PTGFRN: variants seen among roughly 807,000 people sequenced by gnomAD.
PTGFRN encodes the protein prostaglandin F2 receptor negative regulator.
Under a neutral mutation model 83.2 loss-of-function variants are expected in PTGFRN, and 35 were observed. The ratio of observed to expected loss-of-function variants is 0.42; its 90% CI spans 0.32 to 0.56. The LOEUF (loss-of-function observed/expected upper bound fraction) is 0.56. PTGFRN is among the 20% of genes least tolerant of loss of function. The pLI is 0.11. For synonymous variants in PTGFRN, 519 were observed against 498.6 expected (o/e 1.04, Z -0.55); for missense variants, 1,051 against 1,179.5 (o/e 0.89, Z 1.60).
In PTGFRN at chr1:116,944,810, C is replaced by T. The variant is rs1195525965; in HGVS notation, c.550C>T (p.Leu184=). The change falls in exon 3 of 9, where the codon CTG becomes TTG. Residue 184 remains leucine, a synonymous_variant. Coordinates refer to ENST00000393203, the MANE Select transcript of PTGFRN (RefSeq NM_020440.4). The part of the protein sequence containing the change: ...ASPLHTHLAL[L]WEVHRGPARR... ...GCCGCTGCACACGCACCTGGCGCTGCTGTGGGAGGTGCACCGCGGCCCGGC... is the reference window on the plus strand; with the variant it reads ...GCCGCTGCACACGCACCTGGCGCTGTTGTGGGAGGTGCACCGCGGCCCGGC... 3.2e-6 allele frequency: 5 copies of T among 1,572,304 alleles called. No homozygotes were observed.
chr1:116,961,729 G>A lies in PTGFRN; in HGVS notation c.1639+61G>A, dbSNP rs1163649617. ...GTCTTTGCTTAAGTCGTGCCGCTGT[G>A]TGTTGATGCACAGTCACCCTCTGCA... On this transcript the variant is annotated intron_variant, in intron 5 of 8. Coordinates refer to ENST00000393203, the MANE Select transcript of PTGFRN (RefSeq NM_020440.4). The surrounding 1 kb of genome is among the most constrained non-coding windows in gnomAD (Gnocchi z 5.4). 22 of 1,467,306 alleles carry A rather than the reference G, an allele frequency of 1.5e-5. No individual in the cohort carries two copies. Among genetic ancestry groups the A allele is most frequent in the African/African-American group, 2.8e-5 (2 of 71,012 alleles). 90.9% of individuals were successfully genotyped at this position (1,467,306 alleles called of 1,614,324 possible). A position where few individuals can be genotyped will look rare whatever the true frequency, so the allele number is the denominator to read the frequency against.
At chr1:116,934,921 T>C (rs1417306056) in intron 1 of PTGFRN, among the ~76,000 whole-genome samples, 2 of 152,232 alleles carry the variant, frequency 1.3e-5, no homozygotes, top group African/African-American at 4.8e-5. Flanking sequence ...TCCGCTTTGC[T>C]CTTATTCCAA....
chr1:116,960,472 C>G (rs995680645), intron 4 of PTGFRN, among the ~76,000 whole-genome samples: 2 of 152,076 alleles, frequency 1.3e-5, no homozygotes, highest in East Asian at 3.9e-4. Flanking sequence ...GAAACAGGAC[C>G]GTGGCAGAGG....
At chr1:116,981,447 A>G (rs1651315618) in intron 7 of PTGFRN, among the ~76,000 whole-genome samples, 1 of 152,244 alleles carries the variant, frequency 6.6e-6, no homozygotes, top group Admixed American at 6.5e-5. Context: ...CCTGGGAAAG[A>G]AACTAAAAGC....
chr1:116,956,668 G>T (rs892278168), intron 4 of PTGFRN, among the ~76,000 whole-genome samples: 2 of 152,162 alleles, frequency 1.3e-5, no homozygotes, highest in African/African-American at 4.8e-5. Context: ...GGAGGGCCTC[G>T]AATGCCAGGC....
At chr1:116,965,175 C>T (rs1466010591) in intron 5 of PTGFRN, among the ~76,000 whole-genome samples, 2 of 152,234 alleles carry the variant, frequency 1.3e-5, no homozygotes, top group Non-Finnish European at 2.9e-5. Flanking sequence ...TGTGCTCCGG[C>T]CTTGTAGCTT....
chr1:116,924,272 G>C (rs918717221), intron 1 of PTGFRN, among the ~76,000 whole-genome samples: 1 of 150,162 alleles, frequency 6.7e-6, no homozygotes, highest in Non-Finnish European at 1.5e-5. Context: ...TCAGCCTGCC[G>C]AGTAGCTGGG....
intron 1 of PTGFRN, among the ~76,000 whole-genome samples, chr1:116,922,289 C>G (rs1212428935): frequency 6.6e-6 from 1 of 152,088 alleles, no homozygotes; most frequent in Non-Finnish European, 1.5e-5. Flanking sequence ...GATGTTCCCC[C>G]CAGATAGTTT....
At chr1:116,913,617 C>T (rs1382041753) in intron 1 of PTGFRN, among the ~76,000 whole-genome samples, 1 of 152,162 alleles carries the variant, frequency 6.6e-6, no homozygotes, top group Non-Finnish European at 1.5e-5. Flanking sequence ...TAATTGTTCC[C>T]TACTCTGATT....
At chr1:116,979,006 A>G (rs1372914161) in intron 7 of PTGFRN, among the ~76,000 whole-genome samples, 2 of 152,230 alleles carry the variant, frequency 1.3e-5, no homozygotes, top group Non-Finnish European at 2.9e-5. Flanking sequence ...TAAGCTGATA[A>G]GCAACTTCAG....
In PTGFRN at chr1:116,941,883, C is replaced by T. The variant is rs753070067; in HGVS notation, c.218C>T (p.Thr73Ile). The T allele has an allele frequency of 3.1e-6, 5 of 1,614,096 alleles. No individual in the cohort carries two copies. Among genetic ancestry groups the T allele is most frequent in the Non-Finnish European group, 4.2e-6 (5 of 1,180,022 alleles). The change falls in exon 2 of 9, where the codon ACC becomes ATC. Residue 73 changes from threonine (T) to isoleucine (I), a missense_variant. This residue lies in a region of PTGFRN where 127 missense variants were observed against 168.4 expected (regional missense o/e 0.75). Coordinates refer to ENST00000393203, the MANE Select transcript of PTGFRN (RefSeq NM_020440.4). The surrounding 1 kb of genome is among the most constrained non-coding windows in gnomAD (Gnocchi z 5.0). ...AGCAGCTTTGTGGAGCTTGCAAGCA[C>T]CTGGGAGGTGGGGTTCCCAGCCCAG... The part of the protein sequence containing the change: ...LGSSFVELAS[T>I]WEVGFPAQLY...
chr1:116,949,119 T>G, intron 3 of PTGFRN, 73 bp from the exon 4 acceptor site: 1 of 1,501,866 alleles, frequency 6.7e-7, no homozygotes, highest in Non-Finnish European at 8.9e-7. Context: ...AAGGAGATGC[T>G]TTAAAGAGGG....
chr1:116,967,477 C>T (rs1316852789), intron 6 of PTGFRN, 147 bp downstream of exon 6: 1 of 875,762 alleles, frequency 1.1e-6, no homozygotes, highest in East Asian at 2.7e-5. Context: ...AATTCAGTGG[C>T]TTTTCATATA....
intron 4 of PTGFRN, among the ~76,000 whole-genome samples, chr1:116,951,089 C>T (rs1650334399): frequency 6.6e-6 from 1 of 152,176 alleles, no homozygotes; most frequent in African/African-American, 2.4e-5. Context: ...GCTCCCCCTT[C>T]AGCTTCTGAA....
At chr1:116,959,053 C>T (rs1650574278) in intron 4 of PTGFRN, among the ~76,000 whole-genome samples, 1 of 152,222 alleles carries the variant, frequency 6.6e-6, no homozygotes, top group Admixed American at 6.5e-5. Context: ...GCTCTGCACC[C>T]ACATTGCTGC....
intron 1 of PTGFRN, among the ~76,000 whole-genome samples, chr1:116,929,387 C>A (rs1054527284): frequency 2.6e-5 from 4 of 152,344 alleles, no homozygotes; most frequent in South Asian, 2.1e-4. Context: ...TTTCCCACAG[C>A]AGTCAGACTG....
rs1651498923 is a variant in PTGFRN, at chr1:116,986,734, G to C, written c.2474-67G>C. 2.0e-6 allele frequency: 3 copies of C among 1,507,424 alleles called. No homozygotes were observed. In the East Asian group the frequency reaches 6.8e-5, roughly 34 times the overall value. The allele number at this position is 1,507,424 out of a possible 1,614,324, so 93.4% of individuals were successfully genotyped here. A position where few individuals can be genotyped will look rare whatever the true frequency, so the allele number is the denominator to read the frequency against. Reference sequence around the variant, plus strand: ...TCCTGCTCCAGTGGGGAAGGGAGGCGAGGGTGCCCCCAAAGCGGCCTCCCT... The same window carrying C: ...TCCTGCTCCAGTGGGGAAGGGAGGCCAGGGTGCCCCCAAAGCGGCCTCCCT... On this transcript the variant is annotated intron_variant, in intron 8 of 8. Coordinates refer to ENST00000393203, the MANE Select transcript of PTGFRN (RefSeq NM_020440.4).
intron 3 of PTGFRN, among the ~76,000 whole-genome samples, chr1:116,945,417 T>C (rs1650173054): frequency 6.6e-6 from 1 of 152,148 alleles, no homozygotes; most frequent in East Asian, 1.9e-4. Flanking sequence ...CTCAGCCAGA[T>C]TAGGTAGGAC....
intron 2 of PTGFRN, among the ~76,000 whole-genome samples, chr1:116,943,476 G>A (rs542929742): frequency 2.0e-5 from 3 of 152,262 alleles, no homozygotes; most frequent in Admixed American, 6.5e-5. Flanking sequence ...TGGAAGGCAG[G>A]AGACACAAGA....
Sources: gnomAD v4.1 joint callset for allele counts (sites outside exome capture counted in the v4.1 genomes callset) on GRCh38, gnomAD v4.1.1 for gene constraint, gnomAD v4.1.1 regional missense constraint, Gnocchi (gnomAD v3.1) non-coding constraint, MANE v1.5 for transcripts, NCBI Gene and HGNC (gene_info 2026-07-23, HGNC 2026-07-21) for gene names.